The following NEBL variants were observed in gnomAD, a reference collection of about 807,000 sequenced individuals.
NEBL encodes LIM and SH3 protein 2.
A neutral mutation model predicts 140.2 loss-of-function variants in NEBL; 122 were observed. The ratio of observed to expected loss-of-function variants is 0.87; its 90% CI spans 0.75 to 1.01. The LOEUF (loss-of-function observed/expected upper bound fraction) is 1.01. Ranked by LOEUF, NEBL falls within the 50% of genes least tolerant of loss-of-function variation. The pLI is 0.00. For synonymous variants in NEBL, 436 were observed against 398.9 expected (o/e 1.09, Z -1.11); for missense variants, 1,365 against 1,231.3 (o/e 1.11, Z -1.62).
At chr10:21,225,666 C>T (rs1310800788) in intron 3 of NEBL, among the ~76,000 whole-genome samples, 1 of 152,180 alleles carries the variant, frequency 6.6e-6, no homozygotes, top group Non-Finnish European at 1.5e-5. Context: ...GCCACCACCT[C>T]CCCAGGTTCA....
intron 2 of NEBL, among the ~76,000 whole-genome samples, chr10:21,107,383 G>C (rs1486682029): frequency 6.6e-6 from 1 of 152,180 alleles, no homozygotes; most frequent in Non-Finnish European, 1.5e-5. Context: ...ATGAAGACCT[G>C]TTGAATTTTG....
Position 20,798,609 on chromosome 10 carries a change from G to A in NEBL, c.2761+9901C>T, listed in dbSNP as rs3781485. On this transcript the variant is annotated intron_variant, in intron 26 of 27. Transcript: ENST00000377122. ...TATTTATTTTCTCCTTTACATGCAT[G>A]TCACTTTACAGTTTATGAAGCTCTT... Among the ~76,000 whole-genome samples the A allele has an allele frequency of 3.5e-3, 540 of 152,260 alleles. 21 individuals carry two copies. Among genetic ancestry groups the A allele is most frequent in the Admixed American group, 0.025 (390 of 15,298 alleles).
intron 3 of NEBL, among the ~76,000 whole-genome samples, chr10:20,985,780 G>C (rs1415710428): frequency 1.3e-5 from 2 of 151,996 alleles, no homozygotes; most frequent in East Asian, 3.8e-4. Context: ...GTAAGTGAAA[G>C]CTATAACGAA....
At chr10:21,250,150 T>C (rs1053359586) in intron 2 of NEBL, among the ~76,000 whole-genome samples, 1 of 152,208 alleles carries the variant, frequency 6.6e-6, no homozygotes, top group Non-Finnish European at 1.5e-5. Context: ...ATACAAAGTA[T>C]TGATCCTTGG....
intron 2 of NEBL, among the ~76,000 whole-genome samples, chr10:21,100,182 G>A (rs1356293520): frequency 6.6e-6 from 1 of 152,086 alleles, no homozygotes; most frequent in African/African-American, 2.4e-5. Context: ...CTCTGCTGCT[G>A]TGATCACCCC....
chr10:21,266,298 TG>T (rs2132285223), intron 1 of NEBL, among the ~76,000 whole-genome samples: 1 of 152,170 alleles, frequency 6.6e-6, no homozygotes, highest in South Asian at 2.1e-4. Flanking sequence ...CACACCACCA[TG>T]CCCGGCTAAT....
chr10:20,895,875 C>T (rs1238616010), intron 2 of NEBL, among the ~76,000 whole-genome samples: 1 of 152,060 alleles, frequency 6.6e-6, no homozygotes, highest in Non-Finnish European at 1.5e-5. Context: ...CACAATGTTC[C>T]AGATAGTTTA....
Position 20,868,743 on chromosome 10 carries a change from C to G in NEBL, c.605G>C (p.Gly202Ala), listed in dbSNP as rs776363482. 1.2e-6 allele frequency: 2 copies of G among 1,610,034 alleles called. No individual in the cohort carries two copies. Among genetic ancestry groups the G allele is most frequent in the Non-Finnish European group, 1.7e-6 (2 of 1,176,654 alleles). Residue 202 changes from glycine to alanine, a missense_variant, in exon 7 of 28, where the codon GGA becomes GCA. By Grantham distance (60) the Gly-to-Ala change is moderately conservative. Around this residue, in one of 2 missense-constraint regions of NEBL, gnomAD observed 1,323 missense variants for 1,154.8 expected, o/e 1.15. Transcript: ENST00000377122. ...ISNAEYKKGQGIMNKEPAVIG... is the reference protein window; with the variant it reads ...ISNAEYKKGQAIMNKEPAVIG... ...TACAGCGGGCTCTTTATTCATTATT[C>G]CTTGTCCTTTCTTGTATTCTGCCTA...
intron 2 of NEBL, among the ~76,000 whole-genome samples, chr10:20,894,149 G>A (rs1027326556): frequency 2.0e-5 from 3 of 152,162 alleles, no homozygotes; most frequent in Non-Finnish European, 4.4e-5. Context: ...ATGAAGAGAA[G>A]TCCATGAAAC....
chr10:21,062,044 C>T (rs1324189337), intron 2 of NEBL, among the ~76,000 whole-genome samples: 2 of 152,222 alleles, frequency 1.3e-5, no homozygotes, highest in Non-Finnish European at 1.5e-5. Context: ...AGATGTAAAA[C>T]TAGAATATCT....
chr10:20,817,804 T>G (rs967299991), intron 20 of NEBL, 112 bp from the exon 21 acceptor site: 8 of 874,990 alleles, frequency 9.1e-6, no homozygotes, highest in African/African-American at 6.6e-5. Flanking sequence ...TTTTCCACAG[T>G]TGATTACATC....
intron 2 of NEBL, among the ~76,000 whole-genome samples, chr10:21,036,016 A>G (rs1488912851): frequency 1.3e-5 from 2 of 152,054 alleles, no homozygotes; most frequent in African/African-American, 4.8e-5. Flanking sequence ...TACAAAAATC[A>G]GCTGGGCATG....
At chr10:21,037,055 G>A (rs2131820760) in intron 2 of NEBL, among the ~76,000 whole-genome samples, 1 of 152,260 alleles carries the variant, frequency 6.6e-6, no homozygotes. Flanking sequence ...CACAGCACTT[G>A]TAGAAGCCCA....
At chr10:20,828,402 T>G in intron 17 of NEBL, 128 bp downstream of exon 17, 1 of 629,244 alleles carries the variant, frequency 1.6e-6, no homozygotes, top group Non-Finnish European at 2.9e-6. Context: ...TTTAAAGAAA[T>G]AAAGATAATA....
chr10:20,853,349 C>G (rs1842729359), intron 9 of NEBL, among the ~76,000 whole-genome samples: 1 of 152,092 alleles, frequency 6.6e-6, no homozygotes, highest in African/African-American at 2.4e-5. Flanking sequence ...AGTTTGGCCA[C>G]TGAAAGAAGC....
At chr10:20,988,983 T>C (rs2131681016) in intron 3 of NEBL, among the ~76,000 whole-genome samples, 1 of 152,362 alleles carries the variant, frequency 6.6e-6, no homozygotes, top group Admixed American at 6.5e-5. Flanking sequence ...AATGAATAAT[T>C]GGTCCATTGA....
At chr10:21,052,302 G>A (rs981659894) in intron 2 of NEBL, among the ~76,000 whole-genome samples, 3 of 152,186 alleles carry the variant, frequency 2.0e-5, no homozygotes, top group African/African-American at 7.2e-5. Flanking sequence ...ACCTCAAAAT[G>A]TTCACAGAAA....
intron 4 of NEBL, among the ~76,000 whole-genome samples, chr10:20,950,329 T>C (rs1186564492): frequency 6.6e-6 from 1 of 152,218 alleles, no homozygotes; most frequent in Non-Finnish European, 1.5e-5. Flanking sequence ...ATGCCCAAAT[T>C]ATGCACATTT....
chr10:21,267,882 A>G (rs1323928822), intron 1 of NEBL, among the ~76,000 whole-genome samples: 1 of 152,214 alleles, frequency 6.6e-6, no homozygotes, highest in Non-Finnish European at 1.5e-5. Flanking sequence ...AGAAAGATCT[A>G]TGGGACAGAG....
Sources: gnomAD v4.1 joint callset for allele counts (sites outside exome capture counted in the v4.1 genomes callset) on GRCh38, gnomAD v4.1.1 for gene constraint, gnomAD v4.1.1 regional missense constraint, MANE v1.5 for transcripts, NCBI Gene and HGNC (gene_info 2026-07-23, HGNC 2026-07-21) for gene names.